Variants in DPP10 observed in about 807,000 individuals in gnomAD.
DPP10 encodes inactive dipeptidyl peptidase 10.
In DPP10, 33 loss-of-function variants were observed where a neutral mutation model predicts 120.9. The ratio of observed to expected loss-of-function variants is 0.27; its 90% CI spans 0.21 to 0.37. The LOEUF (loss-of-function observed/expected upper bound fraction) is 0.37, where lower values mean the gene tolerates loss of function less well. Ranked by LOEUF, DPP10 falls within the 10% of genes least tolerant of loss-of-function variation. The pLI, the probability that DPP10 is intolerant of heterozygous loss-of-function variation, is 1.00. For missense variants in DPP10, 816 were observed against 942.8 expected (o/e 0.87, Z 1.76); for synonymous variants, 337 against 326.1 (o/e 1.03, Z -0.36).
At chr2:114,546,164 A>T (rs115712229) in intron 1 of DPP10, among the ~76,000 whole-genome samples, 1,945 of 145,646 alleles carry the variant, frequency 0.013, 31 homozygotes, top group African/African-American at 0.05. Flanking sequence ...GTAACTTATT[A>T]AAAAAAAAGA....
intron 3 of DPP10, among the ~76,000 whole-genome samples, chr2:115,355,227 TTC>T (rs2064294140): frequency 6.6e-6 from 1 of 152,188 alleles, no homozygotes; most frequent in South Asian, 2.1e-4. Flanking sequence ...CATCTATTGT[TTC>T]TTAACTTTTT....
chr2:115,567,769 C>T (rs2081091234), intron 5 of DPP10, among the ~76,000 whole-genome samples: 3 of 152,178 alleles, frequency 2.0e-5, no homozygotes, highest in African/African-American at 4.8e-5. Flanking sequence ...TTGTCAAATT[C>T]TCCCTTATAA....
intron 3 of DPP10, among the ~76,000 whole-genome samples, chr2:115,366,034 T>A (rs975284568): frequency 2.0e-5 from 3 of 152,010 alleles, no homozygotes; most frequent in African/African-American, 7.2e-5. Flanking sequence ...TATATGCAAT[T>A]TTAAAGAAAA....
At chr2:115,432,946 C>T (rs1270799818) in intron 3 of DPP10, among the ~76,000 whole-genome samples, 2 of 151,896 alleles carry the variant, frequency 1.3e-5, no homozygotes, top group South Asian at 4.1e-4. Context: ...TGATGGCATA[C>T]CTCATCCTTC....
chr2:115,492,020 A>G (rs2076151451), intron 3 of DPP10, among the ~76,000 whole-genome samples: 2 of 152,160 alleles, frequency 1.3e-5, no homozygotes, highest in Admixed American at 1.3e-4. Context: ...GTCAAGGCAG[A>G]TATCTTCATC....
chr2:115,040,714 G>A (rs917132154), intron 1 of DPP10, among the ~76,000 whole-genome samples: 20 of 151,962 alleles, frequency 1.3e-4, no homozygotes, highest in Admixed American at 7.2e-4. Context: ...AGTGTGTGCC[G>A]TGAGATTTGG....
intron 13 of DPP10, among the ~76,000 whole-genome samples, chr2:115,769,240 A>C (rs1681165862): frequency 6.6e-6 from 1 of 152,094 alleles, no homozygotes; most frequent in Non-Finnish European, 1.5e-5. Context: ...AGTGTTTTAC[A>C]AACTAGCTAA....
At chr2:114,676,310 AC>A (rs1448945827) in intron 1 of DPP10, among the ~76,000 whole-genome samples, 1 of 152,160 alleles carries the variant, frequency 6.6e-6, no homozygotes, top group Non-Finnish European at 1.5e-5. Flanking sequence ...TTCAGTTTTT[AC>A]TTTTCATTTC....
At chr2:115,530,218 G>A (rs2078377826) in intron 5 of DPP10, among the ~76,000 whole-genome samples, 1 of 151,800 alleles carries the variant, frequency 6.6e-6, no homozygotes, top group Non-Finnish European at 1.5e-5. Flanking sequence ...AGGTGCAATT[G>A]CTGGGCTGTA....
intron 1 of DPP10, among the ~76,000 whole-genome samples, chr2:114,935,010 A>G (rs183228449): frequency 5.9e-5 from 9 of 152,284 alleles, no homozygotes; most frequent in African/African-American, 1.9e-4. Flanking sequence ...ATGAATGCCA[A>G]TCACTGTGCA....
intron 1 of DPP10, among the ~76,000 whole-genome samples, chr2:114,477,912 TATATGTGTATATATGTAC>T (rs1177793340): frequency 2.0e-5 from 3 of 149,668 alleles, no homozygotes; most frequent in East Asian, 2.0e-4. Flanking sequence ...TATATGTACA[TATATGTGTATATATGTAC>T]ATATGTGTAT....
intron 1 of DPP10, chr2:114,828,517 A>T (rs1019096164): frequency 1.3e-5 from 2 of 152,208 alleles, no homozygotes; most frequent in Non-Finnish European, 2.9e-5. Flanking sequence ...TTATATGAAA[A>T]TCTTATAGTT....
At chr2:115,327,866 T>C (rs2062458711) in intron 2 of DPP10, among the ~76,000 whole-genome samples, 2 of 152,090 alleles carry the variant, frequency 1.3e-5, no homozygotes, top group Admixed American at 6.6e-5. Flanking sequence ...CCATAAAGAA[T>C]ATAATGACAA....
chr2:114,562,849 G>GA (rs1301157314), intron 1 of DPP10, among the ~76,000 whole-genome samples: 2 of 152,080 alleles, frequency 1.3e-5, no homozygotes, highest in Non-Finnish European at 2.9e-5. Context: ...AATGTGAAGG[G>GA]AAAAAATGTT....
intron 1 of DPP10, among the ~76,000 whole-genome samples, chr2:115,009,378 A>G (rs997255242): frequency 2.6e-5 from 4 of 151,096 alleles, no homozygotes; most frequent in East Asian, 2.0e-4. Context: ...GAATTGAACA[A>G]TGAGATCACA....
At chr2:115,075,346 A>G (rs1009492954) in intron 1 of DPP10, among the ~76,000 whole-genome samples, 1 of 152,248 alleles carries the variant, frequency 6.6e-6, no homozygotes, top group African/African-American at 2.4e-5. Context: ...TACAATCAGT[A>G]TGTAAAGGTA....
At chr2:115,652,313 G>C (rs2087858400) in intron 5 of DPP10, among the ~76,000 whole-genome samples, 1 of 151,734 alleles carries the variant, frequency 6.6e-6, no homozygotes, top group South Asian at 2.1e-4. Flanking sequence ...ACAGTGTCTT[G>C]TGTACAGTAG....
chr2:115,182,152 A>T (rs971024307), intron 1 of DPP10, among the ~76,000 whole-genome samples: 2 of 152,226 alleles, frequency 1.3e-5, no homozygotes, highest in Non-Finnish European at 2.9e-5. Context: ...GTTGAAAAAG[A>T]TGGTATATTC....
chr2:115,781,093 A>T (rs939295975), intron 16 of DPP10, 98 bp downstream of exon 16: 47 of 1,020,496 alleles, frequency 4.6e-5, no homozygotes, highest in Non-Finnish European at 6.2e-5. Context: ...TGATTTCATA[A>T]TCTTAATTTA....
Sources: allele counts gnomAD v4.1 joint callset (sites outside exome capture counted in the v4.1 genomes callset), GRCh38; gene constraint gnomAD v4.1.1; transcripts MANE v1.5; gene names NCBI Gene and HGNC (gene_info 2026-07-23, HGNC 2026-07-21).